Variants in DAB1 observed in about 807,000 individuals in gnomAD.
The protein encoded by DAB1 is disabled homolog 1.
A neutral mutation model predicts 64.6 loss-of-function variants in DAB1; 15 were observed. The observed-to-expected ratio is 0.23, with a 90% confidence interval of 0.16 to 0.36. DAB1 has a LOEUF of 0.36. DAB1 is among the 10% of genes least tolerant of loss of function. The pLI, the probability that DAB1 is intolerant of heterozygous loss-of-function variation, is 1.00. For missense variants in DAB1, 596 were observed against 706.7 expected, an observed-to-expected ratio of 0.84 and a Z score of 1.78; for synonymous variants, 235 against 251.9, an observed-to-expected ratio of 0.93 and a Z score of 0.64.
chr1:57,667,771 C>T (rs1646465688), intron 6 of DAB1, among the ~76,000 whole-genome samples: 1 of 152,018 alleles, frequency 6.6e-6, no homozygotes, highest in Non-Finnish European at 1.5e-5. Context: ...TAAACTAACA[C>T]AGGAACAGAA....
At chr1:57,350,898 C>A (rs1678538482) in intron 1 of DAB1, among the ~76,000 whole-genome samples, 1 of 152,242 alleles carries the variant, frequency 6.6e-6, no homozygotes, top group Non-Finnish European at 1.5e-5. Flanking sequence ...CAGAGATATA[C>A]TGAGCACGCA....
intron 7 of DAB1, among the ~76,000 whole-genome samples, chr1:57,502,947 G>A (rs1489729732): frequency 6.6e-6 from 1 of 152,190 alleles, no homozygotes; most frequent in African/African-American, 2.4e-5. Context: ...AAAGCATTAT[G>A]TACATTAACT....
intron 1 of DAB1, among the ~76,000 whole-genome samples, chr1:57,403,802 G>A (rs562428409): frequency 7.2e-5 from 11 of 152,054 alleles, no homozygotes; most frequent in Non-Finnish European, 1.6e-4. Flanking sequence ...TTACCTACAC[G>A]GGGCCATTTA....
Position 57,962,879 on chromosome 1 carries a change from A to C in DAB1, n.388-78717T>G, listed in dbSNP as rs34466470. ...ACAGAGTGAGATCCTGTCTCAAAAA[A>C]AAAACAAAACAAAAAAAAATAAAAA... On this transcript the variant is annotated intron_variant and non_coding_transcript_variant, in intron 5 of 20. Coordinates refer to the DAB1 transcript ENST00000485760. 5.2e-3 allele frequency among the ~76,000 whole-genome samples: 794 copies of C among 152,088 alleles called. 6 individuals are homozygous for C. The highest frequency in any genetic ancestry group is 8.4e-3 in the Non-Finnish European group (572 of 67,992).
intron 6 of DAB1, among the ~76,000 whole-genome samples, chr1:57,666,913 G>A (rs1646455482): frequency 6.6e-6 from 1 of 151,636 alleles, no homozygotes; most frequent in African/African-American, 2.4e-5. Flanking sequence ...AGAGAGAGAG[G>A]GAGAGGGAGA....
intron 7 of DAB1, among the ~76,000 whole-genome samples, chr1:57,553,460 GA>G (rs1345482417): frequency 5.2e-4 from 48 of 92,894 alleles, no homozygotes; most frequent in African/African-American, 1.5e-3. Context: ...AAGAAAGAAA[GA>G]GAAAGGGAAA....
At chr1:58,064,082 A>G (rs1016802308) in intron 5 of DAB1, among the ~76,000 whole-genome samples, 4 of 152,208 alleles carry the variant, frequency 2.6e-5, no homozygotes, top group Non-Finnish European at 5.9e-5. Context: ...CAACTGTTAC[A>G]GTAAAATGAG....
intron 6 of DAB1, among the ~76,000 whole-genome samples, chr1:57,726,648 T>C (rs1165016254): frequency 2.0e-5 from 3 of 152,228 alleles, no homozygotes; most frequent in African/African-American, 7.2e-5. Context: ...TTCATGTACA[T>C]GATCCTCATT....
At chr1:57,224,150 G>A (rs1181055804) in intron 2 of DAB1, among the ~76,000 whole-genome samples, 1 of 152,134 alleles carries the variant, frequency 6.6e-6, no homozygotes, top group Non-Finnish European at 1.5e-5. Flanking sequence ...CTTATTCTCA[G>A]TGCCTAATAT....
intron 4 of DAB1, among the ~76,000 whole-genome samples, chr1:58,240,565 T>C (rs1188870486): frequency 6.6e-6 from 1 of 152,254 alleles, no homozygotes; most frequent in Non-Finnish European, 1.5e-5. Flanking sequence ...CTTGGTTACA[T>C]GCAGTTAATT....
intron 2 of DAB1, among the ~76,000 whole-genome samples, chr1:57,240,721 G>A (rs1395160733): frequency 3.9e-5 from 6 of 152,042 alleles, no homozygotes; most frequent in Non-Finnish European, 7.4e-5. Context: ...GAGGAGGCTG[G>A]GCTTGAGAAA....
chr1:58,315,552 T>C (rs1662538767), intron 4 of DAB1, among the ~76,000 whole-genome samples: 1 of 152,230 alleles, frequency 6.6e-6, no homozygotes, highest in South Asian at 2.1e-4. Context: ...GAGGAATTTA[T>C]ACATAGTTTG....
At chr1:58,392,146 A>C (rs868529629) in intron 3 of DAB1, among the ~76,000 whole-genome samples, 1 of 152,190 alleles carries the variant, frequency 6.6e-6, no homozygotes, top group African/African-American at 2.4e-5. Flanking sequence ...GGCAGGCAGG[A>C]AGGAAGAAGA....
rs576626587 is a variant in DAB1 at position 57,564,481 on chromosome 1, C to G, written n.625+85111G>C. Among the ~76,000 whole-genome samples the G allele has an allele frequency of 1.1e-3, 161 of 152,258 alleles. 2 individuals carry two copies. Among genetic ancestry groups the G allele is most frequent in the Non-Finnish European group, 1.4e-3 (92 of 68,018 alleles). Reference sequence around the variant, plus strand: ...GAGAAGGCTTCAGATGATCAAACTTCTCCGAGCTAAAGGAGGAAGTCTGAA... The same window carrying G: ...GAGAAGGCTTCAGATGATCAAACTTGTCCGAGCTAAAGGAGGAAGTCTGAA... On this transcript the variant is annotated intron_variant and non_coding_transcript_variant, in intron 7 of 20. Transcript: ENST00000485760.
intron 6 of DAB1, among the ~76,000 whole-genome samples, chr1:57,729,191 C>T (rs527393012): frequency 6.6e-6 from 1 of 152,326 alleles, no homozygotes; most frequent in Non-Finnish European, 1.5e-5. Flanking sequence ...TTTGGTCCTG[C>T]CCTGGTGTGG....
chr1:57,985,273 C>G (rs2100355574), intron 5 of DAB1, among the ~76,000 whole-genome samples: 1 of 152,260 alleles, frequency 6.6e-6, no homozygotes, highest in South Asian at 2.1e-4. Context: ...AATAATGACA[C>G]TCATATTACA....
At chr1:57,840,495 G>A (rs939843938) in intron 1 of DAB1, among the ~76,000 whole-genome samples, 8 of 151,998 alleles carry the variant, frequency 5.3e-5, no homozygotes, top group African/African-American at 1.9e-4. Flanking sequence ...ATCTAACCAG[G>A]GTATTAGTCA....
intron 4 of DAB1, among the ~76,000 whole-genome samples, chr1:57,084,542 T>G (rs74459648): frequency 0.02 from 3,004 of 152,264 alleles, 103 homozygotes; most frequent in African/African-American, 0.068. Flanking sequence ...TCCTTTTGTT[T>G]AAGGAGTTTG....
intron 5 of DAB1, among the ~76,000 whole-genome samples, chr1:58,021,013 G>T (rs115263888): frequency 0.025 from 3,781 of 152,136 alleles, 69 homozygotes; most frequent in Non-Finnish European, 0.042. Flanking sequence ...CCTGCGCCCC[G>T]CACCCAAAAA....
Sources: gnomAD v4.1 joint callset for allele counts (sites outside exome capture counted in the v4.1 genomes callset) on GRCh38, gnomAD v4.1.1 for gene constraint, MANE v1.5 for transcripts, NCBI Gene and HGNC (gene_info 2026-07-23, HGNC 2026-07-21) for gene names.